B4GALNT3: variants seen among roughly 807,000 people sequenced by gnomAD.
The protein encoded by B4GALNT3 is beta-1,4-N-acetyl-galactosaminyltransferase 3.
In B4GALNT3, 86 loss-of-function variants were observed where a neutral mutation model predicts 120.2. That is an observed-to-expected ratio of 0.72 (90% CI 0.60 to 0.86). B4GALNT3 has a LOEUF of 0.86. Ranked by LOEUF, B4GALNT3 falls within the 40% of genes least tolerant of loss-of-function variation. The pLI, the probability that B4GALNT3 is intolerant of heterozygous loss-of-function variation, is 0.00. For missense variants in B4GALNT3, 1,167 were observed against 1,298.9 expected, an observed-to-expected ratio of 0.90 and a Z score of 1.56; for synonymous variants, 518 against 510.4, an observed-to-expected ratio of 1.01 and a Z score of -0.20.
At chr12:499,370 CGTGG>C in intron 1 of B4GALNT3, among the ~76,000 whole-genome samples, 1 of 152,064 alleles carries the variant, frequency 6.6e-6, no homozygotes, top group African/African-American at 2.4e-5. Context: ...AGTCCTAGCC[CGTGG>C]AGCCCGTGCT....
chr12:474,622 C>T (rs1485530831), intron 1 of B4GALNT3, among the ~76,000 whole-genome samples: 2 of 150,312 alleles, frequency 1.3e-5, no homozygotes, highest in Admixed American at 6.6e-5. Flanking sequence ...AGTTTGAGAC[C>T]AGCATGGGCA....
intron 11 of B4GALNT3, 73 bp downstream of exon 11, chr12:551,104 GGT>G: frequency 7.7e-7 from 1 of 1,299,284 alleles, no homozygotes; most frequent in Non-Finnish European, 1.1e-6. Flanking sequence ...GATGGGAGGT[GGT>G]GAGGCTGACT....
chr12:508,150 C>G (rs1444672670), intron 1 of B4GALNT3, among the ~76,000 whole-genome samples: 1 of 152,254 alleles, frequency 6.6e-6, no homozygotes. Context: ...TCCGCTGGCC[C>G]TGCCAGCCCA....
At chr12:536,935 T>C (rs1946867275) in intron 3 of B4GALNT3, among the ~76,000 whole-genome samples, 1 of 152,240 alleles carries the variant, frequency 6.6e-6, no homozygotes, top group Non-Finnish European at 1.5e-5. Context: ...TCCCATAAGA[T>C]ATTCCAGGAA....
chr12:487,880 G>T (rs1186641514), intron 1 of B4GALNT3, among the ~76,000 whole-genome samples: 1 of 152,190 alleles, frequency 6.6e-6, no homozygotes, highest in Non-Finnish European at 1.5e-5. Context: ...GAGCCCAGGA[G>T]GCTGAGGCTG....
chr12:472,368 A>T (rs978128933), intron 1 of B4GALNT3, among the ~76,000 whole-genome samples: 8 of 152,134 alleles, frequency 5.3e-5, no homozygotes, highest in Non-Finnish European at 1.2e-4. Flanking sequence ...GCAGTCTCAA[A>T]CTCTTGGACT....
At chr12:500,885 T>TTTTTTTTTTTTTC (rs1946435189) in intron 1 of B4GALNT3, among the ~76,000 whole-genome samples, 2 of 145,428 alleles carry the variant, frequency 1.4e-5, no homozygotes, top group Non-Finnish European at 1.5e-5. Context: ...TTTTTTTTTT[T>TTTTTTTTTTTTTC]GACACAGGGT....
At chr12:528,995 A>G (rs947920893) in intron 1 of B4GALNT3, among the ~76,000 whole-genome samples, 7 of 152,204 alleles carry the variant, frequency 4.6e-5, no homozygotes, top group Non-Finnish European at 8.8e-5. Context: ...TTAGCCAATC[A>G]TGTACGTTCA....
chr12:514,205 T>G (rs971889017), intron 1 of B4GALNT3, among the ~76,000 whole-genome samples: 149 of 151,024 alleles, frequency 9.9e-4, no homozygotes, highest in Non-Finnish European at 1.5e-3. Flanking sequence ...TTTGTTTTTT[T>G]TTTTTTTTTT....
At chr12:514,966 C>T (rs537783927) in intron 1 of B4GALNT3, among the ~76,000 whole-genome samples, 3 of 151,942 alleles carry the variant, frequency 2.0e-5, no homozygotes, top group South Asian at 2.1e-4. Context: ...GAGGTGGAGT[C>T]GAGATCGCAC....
At chr12:554,789 C>CAAAAAA (rs57194028) in intron 14 of B4GALNT3, among the ~76,000 whole-genome samples, 2 of 33,016 alleles carry the variant, frequency 6.1e-5, no homozygotes, top group East Asian at 1.6e-3. Flanking sequence ...GACTCCGTCT[C>CAAAAAA]AAAAAAAAAA....
intron 1 of B4GALNT3, among the ~76,000 whole-genome samples, chr12:510,501 C>T (rs879753145): frequency 3.4e-5 from 5 of 147,114 alleles, no homozygotes; most frequent in South Asian, 2.2e-4. Context: ...GGGAGGGAAA[C>T]GGGCCCTTTC....
Position 545,448 on chromosome 12 carries a change from G to C in B4GALNT3, c.618G>C (p.Gln206His). ...LSLDDQVSGL[Q>H]LLASVGKTGK... The stretch of plus-strand genomic sequence containing the variant: ...TCGATGACCAGGTCTCAGGCCTCCA[G>C]CTGCTGGCCAGTGTGGGCAAGGTAA... The change falls in exon 6 of 20, where the codon CAG becomes CAC. Residue 206 changes from glutamine to histidine, a missense_variant. Gln to His is a conservative substitution (Grantham distance 24). Coordinates refer to ENST00000266383, the MANE Select transcript of B4GALNT3 (RefSeq NM_173593.4). The C allele has an allele frequency of 6.2e-7, 1 of 1,608,066 alleles. No homozygotes were observed. Among genetic ancestry groups the C allele is most frequent in the Middle Eastern group, 1.7e-4 (1 of 6,052 alleles).
intron 1 of B4GALNT3, among the ~76,000 whole-genome samples, chr12:530,588 A>G (rs12371507): frequency 3.8e-4 from 58 of 152,340 alleles, no homozygotes; most frequent in African/African-American, 1.4e-3. Flanking sequence ...TCTGGGTAAT[A>G]AATCCTTGAC....
At chr12:512,176 TCCG>T (rs199837529) in intron 1 of B4GALNT3, among the ~76,000 whole-genome samples, 172 of 71,614 alleles carry the variant, frequency 2.4e-3, no homozygotes, top group Non-Finnish European at 3.2e-3. Context: ...CCTTCCGCCT[TCCG>T]CCTTCCACCT....
At chr12:462,879 C>T (rs971844367) in intron 1 of B4GALNT3, among the ~76,000 whole-genome samples, 3 of 152,188 alleles carry the variant, frequency 2.0e-5, no homozygotes, top group African/African-American at 2.4e-5. Flanking sequence ...GTTTCATTCT[C>T]AGCTCAGAGC....
intron 1 of B4GALNT3, among the ~76,000 whole-genome samples, chr12:461,689 C>T (rs1019969877): frequency 6.6e-6 from 1 of 152,170 alleles, no homozygotes; most frequent in Non-Finnish European, 1.5e-5. Context: ...AGCTTCTCTA[C>T]CCAGAGTTGG....
chr12:511,031 T>C (rs1349161651), intron 1 of B4GALNT3, among the ~76,000 whole-genome samples: 1 of 81,426 alleles, frequency 1.2e-5, no homozygotes, highest in African/African-American at 5.7e-5. Flanking sequence ...TTTTTTTTTT[T>C]TTTTTTTTTT....
At chr12:520,770 G>A (rs551477711) in intron 1 of B4GALNT3, among the ~76,000 whole-genome samples, 34 of 152,340 alleles carry the variant, frequency 2.2e-4, no homozygotes, top group African/African-American at 7.0e-4. Context: ...CAGCCTGGGT[G>A]ACAGAGCGAG....
Sources: allele counts gnomAD v4.1 joint callset (sites outside exome capture counted in the v4.1 genomes callset), GRCh38; gene constraint gnomAD v4.1.1; transcripts MANE v1.5; gene names NCBI Gene and HGNC (gene_info 2026-07-23, HGNC 2026-07-21).